HOMER2: variants seen among roughly 807,000 people sequenced by gnomAD.
HOMER2 encodes the protein homer protein homolog 2.
Under a neutral mutation model 47.0 loss-of-function variants are expected in HOMER2, and 27 were observed. That is an observed-to-expected ratio of 0.57 (90% confidence interval 0.42 to 0.79). HOMER2 has a LOEUF of 0.79. Among genes scored for constraint, HOMER2 ranks in the 30% least tolerant of loss-of-function variants. The pLI is 0.00. For synonymous variants in HOMER2, 161 were observed against 163.8 expected, an observed-to-expected ratio of 0.98 and a Z score of 0.13; for missense variants, 443 against 435.0, an observed-to-expected ratio of 1.02 and a Z score of -0.16.
chr15:82,869,921 G>A (rs1459131891), intron 3 of HOMER2, among the ~76,000 whole-genome samples: 2 of 152,054 alleles, frequency 1.3e-5, no homozygotes, highest in Non-Finnish European at 2.9e-5. Flanking sequence ...TGTTTCCTTA[G>A]AATAGATTCT....
Position 82,852,243 on chromosome 15 carries a change from G to A in HOMER2, c.661C>T (p.Leu221=), listed in dbSNP as rs1437798969. Residue 221 remains leucine (L), a synonymous_variant, in exon 7 of 9, where the codon CTG becomes TTG. Transcript: ENST00000450735. ...TTGATCTCACTGCATTGTTCTTCCA[G>A]CTCATCAATCTTCAATACACACCAC... ...NDRLRNKIDE[L]EEQCSEINRE... is the part of the protein sequence containing the mutation. 2.5e-6 allele frequency: 4 copies of A among 1,613,002 alleles called. No individual in the cohort carries two copies. In the East Asian group the frequency reaches 8.9e-5, roughly 36 times the overall value.
intron 1 of HOMER2, among the ~76,000 whole-genome samples, chr15:82,904,788 C>CCGGACCTTATCACCACATTACTAAAG (rs1314699819): frequency 8.5e-5 from 13 of 152,194 alleles, no homozygotes; most frequent in Non-Finnish European, 1.5e-5. Flanking sequence ...TTCCCCTCCC[C>CCGGACCTTATCACCACATTACTAAAG]CGGACCTTAT....
At chr15:82,910,020 C>T (rs754875611) in intron 1 of HOMER2, among the ~76,000 whole-genome samples, 26 of 150,100 alleles carry the variant, frequency 1.7e-4, no homozygotes, top group Admixed American at 8.1e-4. Context: ...GTAATCTCAG[C>T]TACTCAGGAG....
intron 1 of HOMER2, among the ~76,000 whole-genome samples, chr15:82,895,071 T>C (rs1024856750): frequency 1.3e-5 from 2 of 152,224 alleles, no homozygotes; most frequent in African/African-American, 2.4e-5. Flanking sequence ...CAATCTTCTT[T>C]ATGCCTGTTT....
At chr15:82,842,697 A>G (rs2051189376) in exon 2 of HOMER2, 1 of 152,120 alleles carries the variant, frequency 6.6e-6, no homozygotes, top group Admixed American at 6.6e-5. Flanking sequence ...ATGTGGTACC[A>G]GTGCTAGAAT....
downstream of HOMER2, chr15:82,846,583 C>G (rs1258608242): frequency 6.6e-6 from 1 of 152,214 alleles, no homozygotes; most frequent in South Asian, 2.1e-4. Flanking sequence ...GCAGAGTCCA[C>G]GCTGCTGGTC....
At position 82,859,102 on chromosome 15, in the gene HOMER2, C is replaced by G; in HGVS notation, c.421G>C (p.Ala141Pro). The change falls in exon 5 of 9, where the codon GCC becomes CCC. Residue 141 changes from alanine to proline, a missense_variant. Physicochemically the swap from Ala to Pro is conservative, Grantham distance 27 (BLOSUM62 -1). Transcript: ENST00000450735. ...GTGTTGGCTGGACCGGCGTGAGAGG[C>G]CTTTTCATCGTCCGTCCCGTTGACA... ...SSVNGTDDEK[A>P]SHAGPANTHL... 6.2e-7 allele frequency: 1 copy of G among 1,614,014 alleles called. No individual in the cohort carries two copies. The highest frequency in any genetic ancestry group is 8.5e-7 in the Non-Finnish European group (1 of 1,179,876).
At chr15:82,839,797 A>C (rs1396918281) in exon 2 of HOMER2, 2 of 152,222 alleles carry the variant, frequency 1.3e-5, no homozygotes, top group Non-Finnish European at 2.9e-5. Flanking sequence ...AGGTCAAATG[A>C]ATACATCTGA....
At chr15:82,882,415 G>A (rs1221179386) in intron 2 of HOMER2, among the ~76,000 whole-genome samples, 2 of 152,170 alleles carry the variant, frequency 1.3e-5, no homozygotes, top group Non-Finnish European at 2.9e-5. Context: ...TCCTCAAAGA[G>A]CTCACAGTCT....
intron 1 of HOMER2, among the ~76,000 whole-genome samples, chr15:82,979,500 G>T (rs2030320185): frequency 6.6e-6 from 1 of 152,206 alleles, no homozygotes; most frequent in Admixed American, 6.5e-5. Flanking sequence ...GCAGAGTGGA[G>T]AAGGGTCTGG....
chr15:82,861,316 A>G (rs1428313683), intron 4 of HOMER2, among the ~76,000 whole-genome samples: 1 of 152,248 alleles, frequency 6.6e-6, no homozygotes, highest in East Asian at 1.9e-4. Context: ...CAGATGTCAC[A>G]AATTATAGGT....
chr15:82,949,183 G>A (rs1267801016), intron 1 of HOMER2, among the ~76,000 whole-genome samples: 1 of 152,188 alleles, frequency 6.6e-6, no homozygotes, highest in African/African-American at 2.4e-5. Flanking sequence ...TCCATGTATT[G>A]ACGAGAGTCA....
At chr15:82,859,242 C>T in intron 4 of HOMER2, 107 bp from the exon 5 acceptor site, 1 of 1,552,940 alleles carries the variant, frequency 6.4e-7, no homozygotes, top group Non-Finnish European at 8.8e-7. Flanking sequence ...TAATAAGAAA[C>T]TTTACGAGTG....
intron 1 of HOMER2, among the ~76,000 whole-genome samples, chr15:82,959,623 C>T (rs1002001159): frequency 6.6e-6 from 1 of 152,298 alleles, no homozygotes; most frequent in South Asian, 2.1e-4. Context: ...ATACCAGTGC[C>T]AGGGCCCCAC....
intron 1 of HOMER2, among the ~76,000 whole-genome samples, chr15:82,984,444 G>T (rs2030518035): frequency 6.6e-6 from 1 of 152,090 alleles, no homozygotes; most frequent in Admixed American, 6.5e-5. Context: ...CTAGGTTAAT[G>T]TTTCTAAAAC....
At chr15:82,946,269 T>C (rs2054378662) in intron 1 of HOMER2, among the ~76,000 whole-genome samples, 1 of 152,218 alleles carries the variant, frequency 6.6e-6, no homozygotes, top group African/African-American at 2.4e-5. Context: ...AACATGCCTT[T>C]ATTCTTTCCT....
chr15:82,851,177 ACT>A lies in HOMER2; in HGVS notation c.815_816del (p.Glu272ValfsTer6). 3 of 1,578,394 alleles carry A rather than the reference ACT, an allele frequency of 1.9e-6. No individual in the cohort carries two copies. The highest frequency in any genetic ancestry group is 2.6e-6 in the Non-Finnish European group (3 of 1,160,346). Reference protein sequence around the residue: ...QSEIIPQLMSECEYVSEKLEA... With the variant: ...QSEIIPQLMSXCEYVSEKLEA... ...TCTAGCTTCTCAGAGACATATTCGC[ACT>A]CTGACATGAGCTGAGGTATGATTTC... On this transcript the variant is annotated frameshift_variant, in exon 8 of 9. Coordinates refer to ENST00000450735, the MANE Select transcript of HOMER2 (RefSeq NM_004839.4). LOFTEE classifies it high-confidence loss of function.
At chr15:82,981,134 G>T (rs1053773060) in intron 1 of HOMER2, among the ~76,000 whole-genome samples, 1 of 152,148 alleles carries the variant, frequency 6.6e-6, no homozygotes. Flanking sequence ...AGGATGCACT[G>T]GCCAAAGACA....
intron 1 of HOMER2, among the ~76,000 whole-genome samples, chr15:82,895,418 T>A (rs1316412866): frequency 6.6e-6 from 1 of 152,214 alleles, no homozygotes; most frequent in Non-Finnish European, 1.5e-5. Flanking sequence ...CAAGCCCTCA[T>A]ACCCCATCCA....
Sources: allele counts gnomAD v4.1 joint callset (sites outside exome capture counted in the v4.1 genomes callset), GRCh38; gene constraint gnomAD v4.1.1; transcripts MANE v1.5; gene names NCBI Gene and HGNC (gene_info 2026-07-23, HGNC 2026-07-21).